PCDH15: variants seen among roughly 807,000 people sequenced by gnomAD.
PCDH15 encodes protocadherin related 15.
A neutral mutation model predicts 178.5 loss-of-function variants in PCDH15; 129 were observed. That is an observed-to-expected ratio of 0.72 (90% CI 0.63 to 0.84). PCDH15 has a LOEUF of 0.84. PCDH15 is among the 40% of genes least tolerant of loss of function. The pLI is 0.00. For synonymous variants in PCDH15, 800 were observed against 732.0 expected (o/e 1.09, Z -1.50); for missense variants, 2,230 against 2,099.9 (o/e 1.06, Z -1.21).
At chr10:54,587,209 T>G (rs1474755836) in intron 2 of PCDH15, among the ~76,000 whole-genome samples, 1 of 152,206 alleles carries the variant, frequency 6.6e-6, no homozygotes, top group African/African-American at 2.4e-5. Flanking sequence ...ATTCATCACA[T>G]GCAGACAGAA....
chr10:54,766,700 C>G (rs572010837), intron 1 of PCDH15, among the ~76,000 whole-genome samples: 1 of 151,788 alleles, frequency 6.6e-6, no homozygotes, highest in Non-Finnish European at 1.5e-5. Flanking sequence ...GAGGCTGAGG[C>G]GGGCGGATCA....
chr10:54,418,365 A>G (rs1248802800), intron 3 of PCDH15, among the ~76,000 whole-genome samples: 2 of 152,068 alleles, frequency 1.3e-5, no homozygotes, highest in African/African-American at 4.8e-5. Flanking sequence ...ATAGATATTA[A>G]TATTAATTTT....
At chr10:55,320,809 GA>G (rs951423938), upstream of PCDH15, among the ~76,000 whole-genome samples, 60 of 152,216 alleles carry the variant, frequency 3.9e-4, no homozygotes, top group Middle Eastern at 3.4e-3. Context: ...AAGACTGAAG[GA>G]ATATCAGCAC....
At chr10:55,606,071 C>CA (rs975916807) in intron 2 of PCDH15, among the ~76,000 whole-genome samples, 4 of 88,240 alleles carry the variant, frequency 4.5e-5, no homozygotes, top group Non-Finnish European at 8.7e-5. Context: ...AATCAATGTA[C>CA]AAAAATCACA....
At chr10:55,205,151 A>G (rs1475854899) in intron 1 of PCDH15, among the ~76,000 whole-genome samples, 1 of 152,112 alleles carries the variant, frequency 6.6e-6, no homozygotes, top group African/African-American at 2.4e-5. Context: ...AGTGATAAAA[A>G]TAAAAGAAAT....
intron 2 of PCDH15, among the ~76,000 whole-genome samples, chr10:54,640,761 T>C (rs2134949191): frequency 6.6e-6 from 1 of 151,978 alleles, no homozygotes; most frequent in South Asian, 2.1e-4. Context: ...AAAATGCCAG[T>C]TGTGCACTTC....
At chr10:55,102,251 T>C (rs1248101833) in intron 2 of PCDH15, among the ~76,000 whole-genome samples, 1 of 152,130 alleles carries the variant, frequency 6.6e-6, no homozygotes, top group Non-Finnish European at 1.5e-5. Context: ...ATATGAACTT[T>C]ATATTTTCTC....
intron 2 of PCDH15, among the ~76,000 whole-genome samples, chr10:55,123,468 G>A (rs1258865209): frequency 1.3e-5 from 2 of 152,072 alleles, no homozygotes; most frequent in Non-Finnish European, 2.9e-5. Flanking sequence ...TCTGAGCACA[G>A]TGTTGTAAAT....
At chr10:54,686,643 C>T (rs79069939) in intron 1 of PCDH15, among the ~76,000 whole-genome samples, 38 of 151,926 alleles carry the variant, frequency 2.5e-4, no homozygotes, top group African/African-American at 8.4e-4. Context: ...TCTATTTTTC[C>T]ACCACCATGT....
intron 3 of PCDH15, among the ~76,000 whole-genome samples, chr10:54,523,917 A>ACAGGG (rs1357875122): frequency 6.6e-6 from 1 of 152,190 alleles, no homozygotes; most frequent in Non-Finnish European, 1.5e-5. Context: ...GGCCTTAAAG[A>ACAGGG]CAGGGAATGG....
intron 10 of PCDH15, among the ~76,000 whole-genome samples, chr10:54,209,190 T>C (rs1005764589): frequency 6.6e-6 from 1 of 152,136 alleles, no homozygotes; most frequent in African/African-American, 2.4e-5. Flanking sequence ...TCTTTCAACT[T>C]GACAACATCT....
intron 2 of PCDH15, among the ~76,000 whole-genome samples, chr10:54,619,906 C>T (rs771767403): frequency 2.4e-4 from 36 of 151,398 alleles, no homozygotes; most frequent in Non-Finnish European, 3.8e-4. Flanking sequence ...TATAGCTCAC[C>T]GGACAAATCC....
At chr10:55,289,123 T>A (rs975545762) in intron 1 of PCDH15, among the ~76,000 whole-genome samples, 1 of 152,056 alleles carries the variant, frequency 6.6e-6, no homozygotes, top group African/African-American at 2.4e-5. Context: ...CGTACTAAAG[T>A]CTATCATTGT....
chr10:54,301,055 C>T (rs576280649), intron 8 of PCDH15, among the ~76,000 whole-genome samples: 2 of 152,180 alleles, frequency 1.3e-5, no homozygotes, highest in East Asian at 1.9e-4. Context: ...AGCGAGACCA[C>T]GAACCCACCG....
intron 2 of PCDH15, among the ~76,000 whole-genome samples, chr10:54,532,404 T>C (rs764357944): frequency 6.6e-6 from 1 of 152,150 alleles, no homozygotes; most frequent in Non-Finnish European, 1.5e-5. Flanking sequence ...TAGTTTTTGA[T>C]CCCTTGACTA....
intron 18 of PCDH15, among the ~76,000 whole-genome samples, chr10:54,025,504 T>C (rs935632671): frequency 1.3e-5 from 2 of 151,726 alleles, no homozygotes; most frequent in Non-Finnish European, 2.9e-5. Flanking sequence ...CCACCATTTT[T>C]TTTTTTTTTT....
intron 1 of PCDH15, among the ~76,000 whole-genome samples, chr10:55,267,937 T>G (rs944683281): frequency 6.6e-6 from 1 of 151,802 alleles, no homozygotes; most frequent in African/African-American, 2.4e-5. Context: ...CACTCATCCT[T>G]AAAAAAATAA....
At chr10:54,167,376 C>A (rs2133547391) in intron 13 of PCDH15, among the ~76,000 whole-genome samples, 1 of 152,228 alleles carries the variant, frequency 6.6e-6, no homozygotes, top group African/African-American at 2.4e-5. Flanking sequence ...AATTTCAATT[C>A]CTTTCATTTT....
chr10:55,439,192 A>G (rs571741680), intron 2 of PCDH15, among the ~76,000 whole-genome samples: 1 of 152,068 alleles, frequency 6.6e-6, no homozygotes, highest in Non-Finnish European at 1.5e-5. Context: ...AAGTATAAGG[A>G]CCTCCAAGTA....
Sources: allele counts gnomAD v4.1 joint callset (sites outside exome capture counted in the v4.1 genomes callset), GRCh38; gene constraint gnomAD v4.1.1; transcripts MANE v1.5; gene names NCBI Gene and HGNC (gene_info 2026-07-23, HGNC 2026-07-21).